CHST6: variants seen among roughly 807,000 people sequenced by gnomAD.
CHST6 encodes the protein N-acetylglucosamine 6-O-sulfotransferase 5.
For synonymous variants in CHST6, 309 were observed against 276.4 expected (o/e 1.12, Z -1.17); for missense variants, 698 against 586.2 (o/e 1.19, Z -1.97).
Position 75,479,598 on chromosome 16 carries a change from C to T in CHST6, c.231G>A (p.Trp77Ter), listed in dbSNP as rs1412910699. The T allele has an allele frequency of 6.2e-6, 10 of 1,612,778 alleles. No homozygotes were observed. In the African/African-American group the frequency reaches 9.3e-5, roughly 15 times the overall value. ...FYLMEPAWHVWTTLSQGSAAT... is the reference protein window; with the variant it reads ...FYLMEPAWHV ...CGGCGCTGCCCTGCGACAGGGTGGT[C>T]CACACGTGCCACGCGGGCTCCATTA... Residue 77 changes from tryptophan (W) to a stop codon, truncating the protein, a stop_gained, in exon 3 of 3, where the codon TGG becomes TGA. Coordinates refer to ENST00000332272, the MANE Select transcript of CHST6 (RefSeq NM_021615.5). LOFTEE classifies it low-confidence loss of function (END_TRUNC).
chr16:75,481,683 C>A (rs1021945970), intron 2 of CHST6, 134 bp downstream of exon 2: 11 of 359,742 alleles, frequency 3.1e-5, no homozygotes, highest in Admixed American at 1.1e-4. Flanking sequence ...CTGAAGGCAG[C>A]ATGGGCTCCA....
intron 1 of CHST6, among the ~76,000 whole-genome samples, chr16:75,487,804 C>G (rs1180458961): frequency 1.4e-5 from 2 of 138,166 alleles, no homozygotes; most frequent in Non-Finnish European, 3.1e-5. Flanking sequence ...CTCCGTCCCC[C>G]CTAAAAAAAA....
At chr16:75,484,769 G>C (rs988077728) in intron 1 of CHST6, among the ~76,000 whole-genome samples, 1 of 151,622 alleles carries the variant, frequency 6.6e-6, no homozygotes, top group African/African-American at 2.4e-5. Flanking sequence ...ATTTGAACCC[G>C]GGAGATGGAG....
Position 75,474,946 on chromosome 16 carries a change from C to T in CHST6, c.*3695G>A. On this transcript the variant is annotated 3_prime_UTR_variant, in exon 3 of 3. Transcript: ENST00000332272. Reference sequence around the variant, plus strand: ...AAGTAGCTGGCCTTACAGGCATGTGCCACCACACCTGGCTAATTTTTGTAT... The same window carrying T: ...AAGTAGCTGGCCTTACAGGCATGTGTCACCACACCTGGCTAATTTTTGTAT... The T allele has an allele frequency of 2.9e-6, 1 of 348,638 alleles. No individual in the cohort carries two copies. The highest frequency in any genetic ancestry group is 5.1e-6 in the Non-Finnish European group (1 of 194,812). The allele number at this position is 348,638 out of a possible 1,614,324, so 21.6% of individuals were successfully genotyped here. A position where few individuals can be genotyped will look rare whatever the true frequency, so the allele number is the denominator to read the frequency against.
At chr16:75,479,973 T>C in intron 2 of CHST6, 129 bp from the exon 3 acceptor site, 1 of 758,956 alleles carries the variant, frequency 1.3e-6, no homozygotes, top group Non-Finnish European at 2.1e-6. Flanking sequence ...ATGGTCTCAG[T>C]GGGGAGCTCT....
chr16:75,478,541 C>G lies in CHST6; in HGVS notation c.*100G>C. 1.6e-6 allele frequency: 2 copies of G among 1,221,782 alleles called. No individual in the cohort carries two copies. Among genetic ancestry groups the G allele is most frequent in the Non-Finnish European group, 2.4e-6 (2 of 827,840 alleles). The allele number at this position is 1,221,782 out of a possible 1,614,324, so 75.7% of individuals were successfully genotyped here. A position where few individuals can be genotyped will look rare whatever the true frequency, so the allele number is the denominator to read the frequency against. On this transcript the variant is annotated 3_prime_UTR_variant, in exon 3 of 3. Coordinates refer to ENST00000332272, the MANE Select transcript of CHST6 (RefSeq NM_021615.5). ...AGGGGGAGGGGTCGTACCACAAACT[C>G]CTTGGTCAATATAGGGACCTGCTTC...
At chr16:75,490,377 C>A (rs2151673100) in intron 1 of CHST6, among the ~76,000 whole-genome samples, 1 of 151,868 alleles carries the variant, frequency 6.6e-6, no homozygotes, top group East Asian at 1.9e-4. Context: ...ACTCGGGAGG[C>A]TGAGGCAGGA....
chr16:75,480,899 C>T (rs2080133670), intron 2 of CHST6, among the ~76,000 whole-genome samples: 1 of 136,712 alleles, frequency 7.3e-6, no homozygotes, highest in Admixed American at 7.9e-5. Context: ...CATTGCACTC[C>T]AGCCTGGGCA....
intron 1 of CHST6, among the ~76,000 whole-genome samples, chr16:75,489,440 C>T (rs761630664): frequency 1.1e-4 from 16 of 149,270 alleles, no homozygotes; most frequent in Non-Finnish European, 1.6e-4. Context: ...AAGGGACTTG[C>T]GGGAAGAATT....
intron 1 of CHST6, among the ~76,000 whole-genome samples, chr16:75,491,220 A>ATATATATATAT (rs1567416191): frequency 7.9e-6 from 1 of 126,142 alleles, no homozygotes; most frequent in African/African-American, 3.0e-5. Context: ...TATATATATA[A>ATATATATATAT]AATATAATAT....
intron 1 of CHST6, among the ~76,000 whole-genome samples, chr16:75,482,399 T>C (rs2080151764): frequency 6.6e-6 from 1 of 152,018 alleles, no homozygotes; most frequent in South Asian, 2.1e-4. Context: ...AAATACAAAA[T>C]TAGCCAGGCG....
chr16:75,491,188 A>ATATATATATAT (rs1381874321), intron 1 of CHST6, among the ~76,000 whole-genome samples: 1 of 63,292 alleles, frequency 1.6e-5, no homozygotes, highest in African/African-American at 7.3e-5. Context: ...AAAAAAAAAA[A>ATATATATATAT]AAATATATAT....
chr16:75,483,558 T>C (rs2080164621), intron 1 of CHST6, among the ~76,000 whole-genome samples: 2 of 152,248 alleles, frequency 1.3e-5, no homozygotes, highest in Admixed American at 1.3e-4. Flanking sequence ...GGTTTTGACA[T>C]TAGGAAGAAC....
intron 1 of CHST6, among the ~76,000 whole-genome samples, chr16:75,493,712 T>C (rs1053207349): frequency 6.6e-6 from 1 of 152,156 alleles, no homozygotes; most frequent in Non-Finnish European, 1.5e-5. Context: ...AGTCTTTGAA[T>C]GAGGAAAACC....
At chr16:75,487,699 T>TGAGGTGGGAGAATGGCGTG (rs1170878546) in intron 1 of CHST6, among the ~76,000 whole-genome samples, 138 of 147,478 alleles carry the variant, frequency 9.4e-4, no homozygotes, top group African/African-American at 3.4e-3. Flanking sequence ...CTCAGGAGGC[T>TGAGGTGGGAGAATGGCGTG]GAGGTGGGAG....
chr16:75,478,606 C>T lies in CHST6; in HGVS notation c.*35G>A, dbSNP rs776902827. 1.2e-6 allele frequency: 2 copies of T among 1,608,512 alleles called. No homozygotes were observed. Among genetic ancestry groups the T allele is most frequent in the Non-Finnish European group, 1.7e-6 (2 of 1,175,722 alleles). On this transcript the variant is annotated 3_prime_UTR_variant, in exon 3 of 3. Coordinates refer to ENST00000332272, the MANE Select transcript of CHST6 (RefSeq NM_021615.5). The stretch of plus-strand genomic sequence containing the variant: ...CCCCCTCTGCACCATGCACTCTCCT[C>T]CCGGGCCTAGCGCCTGCTACAACTG...
Position 75,472,348 on chromosome 16 carries a change from CA to C in CHST6, c.*6292del, listed in dbSNP as rs1221530231. Reference sequence around the variant, plus strand: ...AAGTAAGTTAACAAAACAACAACAACAAAAAACAGATGACAAGCTAGGAGAA... The same window carrying C: ...AAGTAAGTTAACAAAACAACAACAACAAAAACAGATGACAAGCTAGGAGAA... On this transcript the variant is annotated 3_prime_UTR_variant, in exon 3 of 3. Transcript: ENST00000332272. 6.6e-6 allele frequency: 1 copy of C among 151,734 alleles called. No homozygotes were observed. The highest frequency in any genetic ancestry group is 1.5e-5 in the Non-Finnish European group (1 of 67,922). The allele number at this position is 151,734 out of a possible 1,614,324, so 9.4% of individuals were successfully genotyped here. A position where few individuals can be genotyped will look rare whatever the true frequency, so the allele number is the denominator to read the frequency against.
intron 1 of CHST6, among the ~76,000 whole-genome samples, chr16:75,484,899 T>A (rs2080179230): frequency 1.3e-5 from 2 of 152,108 alleles, no homozygotes; most frequent in East Asian, 3.9e-4. Context: ...CATTGCCAGC[T>A]CATGTTTCAT....
chr16:75,489,347 C>T (rs1162192135), intron 1 of CHST6, among the ~76,000 whole-genome samples: 3 of 143,922 alleles, frequency 2.1e-5, no homozygotes, highest in Non-Finnish European at 3.0e-5. Context: ...TGCAGTGAGC[C>T]GAGATTGTGC....
Sources: gnomAD v4.1 joint callset for allele counts (sites outside exome capture counted in the v4.1 genomes callset) on GRCh38, gnomAD v4.1.1 for gene constraint, MANE v1.5 for transcripts, NCBI Gene and HGNC (gene_info 2026-07-23, HGNC 2026-07-21) for gene names.